The following SRSF11 variants were observed in gnomAD, a reference collection of about 807,000 sequenced individuals.
The protein encoded by SRSF11 is serine and arginine rich splicing factor 11, also known as serine/arginine-rich splicing factor 11.
A neutral mutation model predicts 56.0 loss-of-function variants in SRSF11; 9 were observed. The ratio of observed to expected loss-of-function variants is 0.16; its 90% CI spans 0.10 to 0.28. The LOEUF is 0.28. Among genes scored for constraint, SRSF11 ranks in the 10% least tolerant of loss-of-function variants. SRSF11 has a pLI of 1.00. For synonymous variants in SRSF11, 222 were observed against 215.3 expected (o/e 1.03, Z -0.27); for missense variants, 421 against 600.7 (o/e 0.70, Z 3.13).
rs1669360158 is a variant in SRSF11 at position 70,209,650 on chromosome 1, G to A, written c.-26+3870G>A. On this transcript the variant is annotated intron_variant, in intron 1 of 12. Transcript: ENST00000370950. Reference sequence around the variant, plus strand: ...TTCTGAGACAGAGTCTCAGTCTGTTGCCCAGGCTCACTGCAGCCTTGACCT... The same window carrying A: ...TTCTGAGACAGAGTCTCAGTCTGTTACCCAGGCTCACTGCAGCCTTGACCT... 2.1e-5 allele frequency among the ~76,000 whole-genome samples: 3 copies of A among 146,068 alleles called. No homozygotes were observed. The Admixed American group carries it at 2.1e-4, about 10-fold the overall frequency.
chr1:70,245,457 T>A (rs1364420505), intron 8 of SRSF11, among the ~76,000 whole-genome samples: 1 of 152,184 alleles, frequency 6.6e-6, no homozygotes, highest in Non-Finnish European at 1.5e-5. Flanking sequence ...CTTTTAGTCC[T>A]TATGTGCTGC....
intron 6 of SRSF11, 68 bp downstream of exon 6, chr1:70,237,620 T>C (rs1380331038): frequency 6.3e-7 from 1 of 1,587,612 alleles, no homozygotes; most frequent in African/African-American, 1.4e-5. Flanking sequence ...AAATGTGGAA[T>C]TGTGTTGAGT....
intron 1 of SRSF11, among the ~76,000 whole-genome samples, chr1:70,225,669 T>C (rs976817966): frequency 9.2e-5 from 14 of 152,132 alleles, no homozygotes; most frequent in African/African-American, 3.4e-4. Flanking sequence ...CTCTCTGTAG[T>C]CTAGAAGATT....
At chr1:70,224,970 G>A (rs1287155687) in intron 1 of SRSF11, among the ~76,000 whole-genome samples, 5 of 152,258 alleles carry the variant, frequency 3.3e-5, no homozygotes, top group Admixed American at 6.5e-5. Flanking sequence ...TTACAAGTTC[G>A]TGAACTGAAA....
At chr1:70,224,762 A>G (rs1460273352) in intron 1 of SRSF11, among the ~76,000 whole-genome samples, 3 of 152,192 alleles carry the variant, frequency 2.0e-5, no homozygotes, top group Non-Finnish European at 2.9e-5. Flanking sequence ...AACTGTCTCT[A>G]CAGCATGATG....
At chr1:70,209,553 A>G (rs934990446) in intron 1 of SRSF11, among the ~76,000 whole-genome samples, 3 of 151,992 alleles carry the variant, frequency 2.0e-5, no homozygotes, top group Non-Finnish European at 2.9e-5. Flanking sequence ...TTTTCCCTTC[A>G]GGGCTATCAT....
At chr1:70,228,604 T>A (rs1289309446) in intron 2 of SRSF11, 49 bp downstream of exon 2, 2 of 1,589,930 alleles carry the variant, frequency 1.3e-6, no homozygotes, top group African/African-American at 1.3e-5. Context: ...GATGACCATC[T>A]ACCTCAGTAG....
intron 1 of SRSF11, among the ~76,000 whole-genome samples, chr1:70,215,870 C>T (rs1299389423): frequency 6.6e-6 from 1 of 152,192 alleles, no homozygotes; most frequent in African/African-American, 2.4e-5. Flanking sequence ...ACAACCTCCA[C>T]CTCCCAGGTT....
upstream of SRSF11, among the ~76,000 whole-genome samples, chr1:70,216,734 C>G (rs963195710): frequency 6.6e-6 from 1 of 152,050 alleles, no homozygotes; most frequent in Non-Finnish European, 1.5e-5. Context: ...TACCCAGTTG[C>G]ATTAACTCAT....
chr1:70,228,545 A>G lies in SRSF11; in HGVS notation c.327A>G (p.Pro109=). 2 of 1,613,022 alleles carry G rather than the reference A, an allele frequency of 1.2e-6. No individual in the cohort carries two copies. The highest frequency in any genetic ancestry group is 1.7e-6 in the Non-Finnish European group (2 of 1,179,482). The stretch of plus-strand genomic sequence containing the variant: ...TTGACAGAGCTTTGATAGTCGTACC[A>G]TATGCAGAAGGTTTGTGCTTTGTTT... The part of the protein sequence containing the change: ...VFVDRALIVV[P]YAEGVIPDEA... Residue 109 remains proline (P), a synonymous_variant, in exon 2 of 12, where the codon CCA becomes CCG. Transcript: ENST00000370949.
chr1:70,221,884 C>G (rs1353187484), intron 1 of SRSF11, 45 bp downstream of exon 1: 5 of 1,609,202 alleles, frequency 3.1e-6, no homozygotes, highest in Non-Finnish European at 4.2e-6. Context: ...GCCGCCTCAG[C>G]CTGGGCCTAA....
Position 70,244,732 on chromosome 1 carries a change from T to G in SRSF11, c.849T>G (p.Ser283Arg), listed in dbSNP as rs779191803. Residue 283 changes from serine to arginine, a missense_variant, in exon 8 of 12, where the codon AGT becomes AGG. Ser to Arg is a moderately radical substitution (Grantham distance 110). Transcript: ENST00000370949. ...SRRRSHSKSR[S>R]RRRSKSPRRR... ...GGCGGTCACATTCTAAGTCTAGGAGTCGGCGACGATCCAAAAGCCCAAGGC... is the reference window on the plus strand; with the variant it reads ...GGCGGTCACATTCTAAGTCTAGGAGGCGGCGACGATCCAAAAGCCCAAGGC... The G allele has an allele frequency of 6.2e-7, 1 of 1,613,698 alleles. No individual in the cohort carries two copies. The highest frequency in any genetic ancestry group is 1.3e-5 in the African/African-American group (1 of 74,788).
chr1:70,244,149 C>T (rs1486047276), intron 7 of SRSF11, among the ~76,000 whole-genome samples: 1 of 151,918 alleles, frequency 6.6e-6, no homozygotes, highest in African/African-American at 2.4e-5. Flanking sequence ...GAGAAAAATT[C>T]GAAATAGGAG....
At chr1:70,230,146 A>G in intron 2 of SRSF11, 2 of 984,484 alleles carry the variant, frequency 2.0e-6, no homozygotes, top group Non-Finnish European at 1.2e-6. Context: ...AATACAGTAT[A>G]TCATATAAAT....
At chr1:70,211,441 T>C (rs1423016844) in intron 1 of SRSF11, among the ~76,000 whole-genome samples, 1 of 152,164 alleles carries the variant, frequency 6.6e-6, no homozygotes, top group Non-Finnish European at 1.5e-5. Flanking sequence ...GTAGCAAAGC[T>C]CGCCTACAGT....
chr1:70,226,039 A>G (rs1057180350), intron 1 of SRSF11, among the ~76,000 whole-genome samples: 1 of 152,034 alleles, frequency 6.6e-6, no homozygotes, highest in African/African-American at 2.4e-5. Context: ...AAAAATAGAA[A>G]AATTAGCCGG....
intron 7 of SRSF11, among the ~76,000 whole-genome samples, chr1:70,241,886 T>C (rs1675488576): frequency 6.6e-6 from 1 of 152,146 alleles, no homozygotes; most frequent in African/African-American, 2.4e-5. Flanking sequence ...AAGGAGAGCC[T>C]GGGCCGGGTG....
chr1:70,238,795 A>G (rs1674683192), intron 6 of SRSF11, among the ~76,000 whole-genome samples: 1 of 152,216 alleles, frequency 6.6e-6, no homozygotes, highest in Non-Finnish European at 1.5e-5. Context: ...GAGCCAGAGA[A>G]TGAGAAATTT....
chr1:70,228,928 G>A (rs527622400), intron 2 of SRSF11: 2 of 983,744 alleles, frequency 2.0e-6, no homozygotes, highest in African/African-American at 1.8e-5. Flanking sequence ...AATGCATGAT[G>A]TTATTTCTGT....
Sources: gnomAD v4.1 joint callset for allele counts (sites outside exome capture counted in the v4.1 genomes callset) on GRCh38, gnomAD v4.1.1 for gene constraint, MANE v1.5 for transcripts, NCBI Gene and HGNC (gene_info 2026-07-23, HGNC 2026-07-21) for gene names.